The following SLC20A2 variants were observed in gnomAD, a reference collection of about 807,000 sequenced individuals.
SLC20A2 encodes the protein sodium-dependent phosphate transporter 2.
SLC20A2 carries 30 observed loss-of-function variants against 61.0 expected under a neutral mutation model. That is an observed-to-expected ratio of 0.49 (90% CI 0.37 to 0.67). SLC20A2 has a LOEUF of 0.67. Ranked by LOEUF, SLC20A2 falls within the 30% of genes least tolerant of loss-of-function variation. SLC20A2 has a pLI of 0.00. For synonymous variants in SLC20A2, 351 were observed against 353.3 expected, an observed-to-expected ratio of 0.99 and a Z score of 0.07; for missense variants, 626 against 866.4, an observed-to-expected ratio of 0.72 and a Z score of 3.48.
chr8:42,422,432 T>C (rs1803110435), intron 10 of SLC20A2, among the ~76,000 whole-genome samples: 1 of 152,186 alleles, frequency 6.6e-6, no homozygotes, highest in Admixed American at 6.5e-5. Flanking sequence ...ATTTCATTGT[T>C]TGTGATATTT....
intron 1 of SLC20A2, among the ~76,000 whole-genome samples, chr8:42,527,212 T>C (rs1812025211): frequency 6.6e-6 from 1 of 151,054 alleles, no homozygotes; most frequent in African/African-American, 2.4e-5. Context: ...GAGACCAGGC[T>C]TACCAACATG....
chr8:42,524,269 GT>G (rs1811778605), intron 1 of SLC20A2, among the ~76,000 whole-genome samples: 2 of 152,084 alleles, frequency 1.3e-5, no homozygotes, highest in Admixed American at 6.5e-5. Context: ...TTTGAAAAAA[GT>G]TTTTTCCTTT....
At chr8:42,448,112 C>G (rs1234942787) in intron 5 of SLC20A2, among the ~76,000 whole-genome samples, 1 of 152,244 alleles carries the variant, frequency 6.6e-6, no homozygotes, top group Non-Finnish European at 1.5e-5. Context: ...GGTACCCGCT[C>G]TTTACCAACG....
intron 8 of SLC20A2, among the ~76,000 whole-genome samples, chr8:42,434,824 C>G (rs1395659520): frequency 2.0e-5 from 3 of 152,206 alleles, no homozygotes; most frequent in Admixed American, 2.0e-4. Context: ...CGAGCAGCCA[C>G]TGCCTAGATG....
In SLC20A2 at chr8:42,438,418, C is replaced by T. The variant is rs750612909; in HGVS notation, c.935-841G>A. The stretch of plus-strand genomic sequence containing the variant: ...AACTCCTGGGCTCAAGTCATTCTCC[C>T]GCCTGAGCCTCCCAAGCATCTGGGA... On this transcript the variant is annotated intron_variant, in intron 7 of 10. Coordinates refer to ENST00000520262, the MANE Select transcript of SLC20A2 (RefSeq NM_001257180.2). Among the ~76,000 whole-genome samples, 7 of 151,988 alleles carry T rather than the reference C, an allele frequency of 4.6e-5. No homozygotes were observed. In the East Asian group the frequency reaches 5.8e-4, roughly 13 times the overall value.
chr8:42,503,009 G>A (rs1810416508), upstream of SLC20A2, among the ~76,000 whole-genome samples: 1 of 152,176 alleles, frequency 6.6e-6, no homozygotes, highest in Non-Finnish European at 1.5e-5. Context: ...TATTGGAAAG[G>A]AGCAATCTGA....
At chr8:42,429,657 C>T (rs1803693090) in intron 9 of SLC20A2, among the ~76,000 whole-genome samples, 1 of 152,178 alleles carries the variant, frequency 6.6e-6, no homozygotes, top group African/African-American at 2.4e-5. Flanking sequence ...AGGAAAGTAA[C>T]CCCAGCAGGG....
chr8:42,452,370 T>G (rs1472644316), intron 5 of SLC20A2, among the ~76,000 whole-genome samples: 14 of 94,620 alleles, frequency 1.5e-4, no homozygotes, highest in African/African-American at 2.9e-4. Context: ...GAGGAAGAGA[T>G]AAAGAGGAGA....
rs1353175054 is a variant in SLC20A2 at position 42,520,587 on chromosome 8, G to A, written c.-265+21234C>T. On this transcript the variant is annotated intron_variant, in intron 1 of 10. Transcript: ENST00000342228. ...TGAAAATGTAAAAAATTAGCCGGGC[G>A]TGGTGGCGGGTGCCTGTAGTCCCAG... is the stretch of plus-strand genomic sequence containing the variant. Among the ~76,000 whole-genome samples the A allele has an allele frequency of 6.1e-5, 7 of 115,298 alleles. 1 individual carries two copies. Among genetic ancestry groups the A allele is most frequent in the African/African-American group, 1.3e-4 (5 of 38,490 alleles). The allele number at this position is 115,298 out of a possible 152,430, so 75.6% of individuals were successfully genotyped here. A position where few individuals can be genotyped will look rare whatever the true frequency, so the allele number is the denominator to read the frequency against.
intron 5 of SLC20A2, among the ~76,000 whole-genome samples, chr8:42,458,509 G>C (rs11994413): frequency 0.02 from 3,078 of 151,784 alleles, 104 homozygotes; most frequent in African/African-American, 0.071. Flanking sequence ...TGTGGTTCCG[G>C]CTACTCAGGG....
intron 10 of SLC20A2, among the ~76,000 whole-genome samples, chr8:42,421,938 G>A (rs1270479126): frequency 2.0e-5 from 3 of 152,086 alleles, no homozygotes; most frequent in South Asian, 2.1e-4. Context: ...GAGCCCCTGC[G>A]AGGACCTTGC....
chr8:42,433,833 T>A (rs1251717984), intron 8 of SLC20A2, among the ~76,000 whole-genome samples: 1 of 152,220 alleles, frequency 6.6e-6, no homozygotes, highest in East Asian at 1.9e-4. Context: ...TACAAATATC[T>A]CTTTGAGACT....
chr8:42,459,829 A>G (rs1806560017), intron 5 of SLC20A2, 67 bp downstream of exon 5: 2 of 1,047,688 alleles, frequency 1.9e-6, no homozygotes, highest in Admixed American at 3.8e-5. Flanking sequence ...TACCAGCACC[A>G]AATAAACTGA....
rs1301715639 is a variant in SLC20A2 at position 42,472,172 on chromosome 8, A to G, written c.219T>C (p.Gly73=). Reference sequence around the variant, plus strand: ...CGTTGTACAGGTTCACGTCAATGATACCTTTGCGAATGGTTTCTCCTACTT... The same window carrying G: ...CGTTGTACAGGTTCACGTCAATGATGCCTTTGCGAATGGTTTCTCCTACTT... The part of the protein sequence containing the change: ...GAKVGETIRK[G]IIDVNLYNET... Residue 73 remains glycine (G), a synonymous_variant, in exon 2 of 11, where the codon GGT becomes GGC. Coordinates refer to ENST00000520262, the MANE Select transcript of SLC20A2 (RefSeq NM_001257180.2). The surrounding 1 kb of genome is among the most constrained non-coding windows in gnomAD (Gnocchi z 4.1). 1.3e-5 allele frequency: 21 copies of G among 1,614,048 alleles called. No individual in the cohort carries two copies. The highest frequency in any genetic ancestry group is 1.8e-5 in the Non-Finnish European group (21 of 1,180,012).
chr8:42,454,856 C>A (rs1563477618), intron 5 of SLC20A2, among the ~76,000 whole-genome samples: 1 of 152,010 alleles, frequency 6.6e-6, no homozygotes, highest in South Asian at 2.1e-4. Flanking sequence ...AGGTGTTAAC[C>A]ACCATGACCA....
chr8:42,459,257 A>AT (rs1563482760), intron 5 of SLC20A2, among the ~76,000 whole-genome samples: 5 of 150,852 alleles, frequency 3.3e-5, no homozygotes, highest in African/African-American at 1.2e-4. Flanking sequence ...AAAAAAAAAA[A>AT]AACATAAAAA....
intron 1 of SLC20A2, among the ~76,000 whole-genome samples, chr8:42,534,435 G>A (rs1369052044): frequency 6.6e-6 from 1 of 152,082 alleles, no homozygotes; most frequent in Non-Finnish European, 1.5e-5. Context: ...CTAGAAAACT[G>A]AAAATAGAAC....
intron 5 of SLC20A2, among the ~76,000 whole-genome samples, chr8:42,453,794 AT>A (rs1407659992): frequency 5.9e-5 from 9 of 152,244 alleles, no homozygotes; most frequent in African/African-American, 2.2e-4. Flanking sequence ...TCAAGTAAGA[AT>A]TTTTCCATAC....
chr8:42,486,063 TAAGA>T (rs1808978318), intron 1 of SLC20A2, among the ~76,000 whole-genome samples: 1 of 152,162 alleles, frequency 6.6e-6, no homozygotes, highest in Non-Finnish European at 1.5e-5. Context: ...TTAAATTAGT[TAAGA>T]AAGAAAAACG....
Sources: allele counts gnomAD v4.1 joint callset (sites outside exome capture counted in the v4.1 genomes callset), GRCh38; gene constraint gnomAD v4.1.1; non-coding constraint Gnocchi (gnomAD v3.1); transcripts MANE v1.5; gene names NCBI Gene and HGNC (gene_info 2026-07-23, HGNC 2026-07-21).